The following CKAP2L variants were observed in gnomAD, a reference collection of about 807,000 sequenced individuals.
CKAP2L encodes cytoskeleton-associated protein 2-like.
A neutral mutation model predicts 65.7 loss-of-function variants in CKAP2L; 42 were observed. The ratio of observed to expected loss-of-function variants is 0.64; its 90% CI spans 0.50 to 0.83. The LOEUF (loss-of-function observed/expected upper bound fraction) is 0.83, where lower values mean the gene tolerates loss of function less well. Among genes scored for constraint, CKAP2L ranks in the 40% least tolerant of loss-of-function variants. The probability of loss-of-function intolerance (pLI) is 0.00; values close to 1 mark genes in which losing one functional copy is unlikely to be tolerated. For missense variants in CKAP2L, 908 were observed against 871.0 expected, an observed-to-expected ratio of 1.04 and a Z score of -0.53; for synonymous variants, 325 against 313.5, an observed-to-expected ratio of 1.04 and a Z score of -0.39.
intron 5 of CKAP2L, 106 bp downstream of exon 5, chr2:112,752,161 A>C: frequency 2.6e-6 from 2 of 772,160 alleles, no homozygotes; most frequent in Non-Finnish European, 4.3e-6. Context: ...GAGTAGCTAA[A>C]TTTCTACTTA....
At chr2:112,749,846 A>AG (rs1319024366) in intron 5 of CKAP2L, among the ~76,000 whole-genome samples, 3 of 152,196 alleles carry the variant, frequency 2.0e-5, no homozygotes, top group Non-Finnish European at 4.4e-5. Flanking sequence ...CTCTGCCAGC[A>AG]GGGGGCACGA....
intron 3 of CKAP2L, among the ~76,000 whole-genome samples, chr2:112,758,266 T>G (rs936643737): frequency 4.6e-5 from 7 of 152,202 alleles, no homozygotes; most frequent in Non-Finnish European, 1.0e-4. Flanking sequence ...GGTAAGTAAT[T>G]GGGCAAGCCA....
At chr2:112,762,663 A>T (rs1243051806) in intron 1 of CKAP2L, 94 bp from the exon 2 acceptor site, 19 of 1,063,250 alleles carry the variant, frequency 1.8e-5, no homozygotes, top group Non-Finnish European at 2.6e-5. Context: ...TTCTCTAGTG[A>T]TTTTGCCTTT....
At chr2:112,745,285 C>A (rs942050018) in intron 6 of CKAP2L, among the ~76,000 whole-genome samples, 6 of 151,782 alleles carry the variant, frequency 4.0e-5, no homozygotes, top group African/African-American at 1.5e-4. Context: ...GAAAACTAAG[C>A]AAAGGCAAAA....
At chr2:112,747,131 C>T (rs13025794) in intron 5 of CKAP2L, among the ~76,000 whole-genome samples, 1,613 of 148,374 alleles carry the variant, frequency 0.011, 10 homozygotes, top group Non-Finnish European at 0.018. Context: ...TACTCTGTTG[C>T]CCAGGCTGGA....
chr2:112,749,148 TTAAC>T (rs1680293572), intron 5 of CKAP2L, among the ~76,000 whole-genome samples: 1 of 152,212 alleles, frequency 6.6e-6, no homozygotes, highest in Non-Finnish European at 1.5e-5. Context: ...TTTAAAACAT[TTAAC>T]TGTGTGCATT....
At chr2:112,757,245 A>T in intron 3 of CKAP2L, 31 bp from the exon 4 acceptor site, 1 of 1,418,632 alleles carries the variant, frequency 7.0e-7, no homozygotes, top group Non-Finnish European at 9.6e-7. Context: ...CATATTAAAA[A>T]ATCCTTAACA....
In CKAP2L at chr2:112,762,515, C is replaced by T. The variant is rs138866143; in HGVS notation, c.92G>A (p.Ser31Asn). ...EYLAAKGKLKSQNTKPYLKSK... is the reference protein window; with the variant it reads ...EYLAAKGKLKNQNTKPYLKSK... The stretch of plus-strand genomic sequence containing the variant: ...CAGATAAACTCACTTGGTGTTTTGG[C>T]TCTTCAGTTTTCCCTTGGCTGCAAG... Residue 31 changes from serine to asparagine, a missense_variant, in exon 2 of 9, where the codon AGC (serine) becomes AAC (asparagine). Ser to Asn is a conservative substitution (Grantham distance 46). Transcript: ENST00000302450. The T allele has an allele frequency of 1.9e-6, 3 of 1,613,880 alleles. No homozygotes were observed. In the African/African-American group the frequency reaches 4.0e-5, roughly 22 times the overall value.
intron 8 of CKAP2L, among the ~76,000 whole-genome samples, chr2:112,739,810 A>G (rs763184615): frequency 6.6e-6 from 1 of 152,160 alleles, no homozygotes; most frequent in African/African-American, 2.4e-5. Context: ...GTATGCCAGC[A>G]TGCCTGGCTA....
chr2:112,738,720 C>G lies in CKAP2L; in HGVS notation c.*103G>C. 1 of 729,032 alleles carries G rather than the reference C, an allele frequency of 1.4e-6. No homozygotes were observed. Among genetic ancestry groups the G allele is most frequent in the Admixed American group, 2.5e-5 (1 of 40,394 alleles). 45.2% of individuals were successfully genotyped at this position (729,032 alleles called of 1,614,324 possible). ...TACTTAAGTCCTGAGCGTCCATAAT[C>G]TGCATCCATGATGCCTCTCTTTTTT... On this transcript the variant is annotated 3_prime_UTR_variant, in exon 9 of 9. Coordinates refer to ENST00000302450, the MANE Select transcript of CKAP2L (RefSeq NM_152515.5).
chr2:112,738,835 G>A lies in CKAP2L; in HGVS notation c.2226C>T (p.Thr742=). The A allele has an allele frequency of 6.2e-7, 1 of 1,601,728 alleles. No individual in the cohort carries two copies. The highest frequency in any genetic ancestry group is 1.3e-5 in the African/African-American group (1 of 74,694). The change falls in exon 9 of 9, where the codon ACC becomes ACT. Residue 742 remains threonine (T), a synonymous_variant. Coordinates refer to ENST00000302450, the MANE Select transcript of CKAP2L (RefSeq NM_152515.5). The part of the protein sequence containing the change: ...EALPVTLGFQ[T]PES ...AAGCATCAAGAAATTATGATTCAGGGGTTTGAAACCCCAATGTTACAGGCA... is the reference window on the plus strand; with the variant it reads ...AAGCATCAAGAAATTATGATTCAGGAGTTTGAAACCCCAATGTTACAGGCA...
chr2:112,747,741 G>A (rs531936610), intron 5 of CKAP2L, among the ~76,000 whole-genome samples: 4 of 152,172 alleles, frequency 2.6e-5, no homozygotes, highest in African/African-American at 9.7e-5. Context: ...GTTCACAATT[G>A]AGAATCACTA....
At chr2:112,761,236 G>A (rs1457740165) in intron 2 of CKAP2L, among the ~76,000 whole-genome samples, 1 of 151,864 alleles carries the variant, frequency 6.6e-6, no homozygotes, top group African/African-American at 2.4e-5. Flanking sequence ...CAAGGCAGGC[G>A]GATCATGAGA....
chr2:112,749,254 C>T (rs1171640916), intron 5 of CKAP2L, among the ~76,000 whole-genome samples: 6 of 152,102 alleles, frequency 3.9e-5, no homozygotes, highest in African/African-American at 1.4e-4. Flanking sequence ...CATATTCTAA[C>T]AACAAAAAGC....
intron 4 of CKAP2L, among the ~76,000 whole-genome samples, chr2:112,753,526 C>CTTTTT (rs59027525): frequency 4.7e-4 from 47 of 100,350 alleles, no homozygotes; most frequent in African/African-American, 7.3e-4. Context: ...AGTTTCTTTT[C>CTTTTT]TTTTTTTTTT....
At position 112,752,278 on chromosome 2, in the gene CKAP2L, G is replaced by C; in HGVS notation, c.1591C>G (p.Leu531Val). The C allele has an allele frequency of 6.2e-7, 1 of 1,612,904 alleles. No homozygotes were observed. The highest frequency in any genetic ancestry group is 8.5e-7 in the Non-Finnish European group (1 of 1,179,208). Residue 531 changes from leucine to valine, a missense_variant, in exon 5 of 9, where the codon CTC becomes GTC. By Grantham distance (32) the Leu-to-Val change is conservative. Transcript: ENST00000302450. ...INNTLTECLNLIEGGVPSNEI... is the reference protein window; with the variant it reads ...INNTLTECLNVIEGGVPSNEI... Reference sequence around the variant, plus strand: ...TCTTCTTCACTTACCCCTTCGATGAGGTTCAGACATTCTGTCAGAGTGTTG... The same window carrying C: ...TCTTCTTCACTTACCCCTTCGATGACGTTCAGACATTCTGTCAGAGTGTTG...
intron 4 of CKAP2L, among the ~76,000 whole-genome samples, chr2:112,753,650 C>T (rs1003368270): frequency 6.6e-6 from 1 of 151,534 alleles, no homozygotes; most frequent in African/African-American, 2.4e-5. Context: ...GCCTCAGCCT[C>T]CCAAGTAGCT....
chr2:112,752,316 G>A lies in CKAP2L; in HGVS notation c.1553C>T (p.Ser518Phe). Reference sequence around the variant, plus strand: ...TGTCAGAGTGTTGTTAATTTTACTGGACAGTTCGAGTTGTGCTTTCTTTTC... The same window carrying A: ...TGTCAGAGTGTTGTTAATTTTACTGAACAGTTCGAGTTGTGCTTTCTTTTC... ...EEEKKAQLEL[S>F]SKINNTLTEC... The change falls in exon 5 of 9, where the codon TCC (serine) becomes TTC (phenylalanine). Residue 518 changes from serine (S) to phenylalanine (F), a missense_variant. Coordinates refer to ENST00000302450, the MANE Select transcript of CKAP2L (RefSeq NM_152515.5). The A allele has an allele frequency of 1.2e-6, 2 of 1,613,936 alleles. No homozygotes were observed. The highest frequency in any genetic ancestry group is 1.7e-6 in the Non-Finnish European group (2 of 1,179,902).
Position 112,737,441 on chromosome 2 carries a change from AGTG to A in CKAP2L, c.*1379_*1381del, listed in dbSNP as rs1679368212. On this transcript the variant is annotated 3_prime_UTR_variant, in exon 9 of 9. Transcript: ENST00000302450. ...TTATAGATGTGAGGTGATAGCTCAC[AGTG>A]GTTTTAATTTACATTATTCTTATGA... 6.6e-6 allele frequency: 1 copy of A among 152,188 alleles called. No homozygotes were observed. The highest frequency in any genetic ancestry group is 2.4e-5 in the African/African-American group (1 of 41,446). The allele number at this position is 152,188 out of a possible 1,614,324, so 9.4% of individuals were successfully genotyped here. A position where few individuals can be genotyped will look rare whatever the true frequency, so the allele number is the denominator to read the frequency against.
Sources: allele counts gnomAD v4.1 joint callset (sites outside exome capture counted in the v4.1 genomes callset), GRCh38; gene constraint gnomAD v4.1.1; transcripts MANE v1.5; gene names NCBI Gene and HGNC (gene_info 2026-07-23, HGNC 2026-07-21).